CDKAL1: variants seen among roughly 807,000 people sequenced by gnomAD.
The protein encoded by CDKAL1 is threonylcarbamoyladenosine tRNA methylthiotransferase.
A neutral mutation model predicts 68.2 loss-of-function variants in CDKAL1; 32 were observed. That is an observed-to-expected ratio of 0.47 (90% confidence interval 0.35 to 0.63). CDKAL1 has a LOEUF of 0.63. Among genes scored for constraint, CDKAL1 ranks in the 30% least tolerant of loss-of-function variants. CDKAL1 has a pLI of 0.00. For missense variants in CDKAL1, 606 were observed against 696.7 expected, an observed-to-expected ratio of 0.87 and a Z score of 1.47; for synonymous variants, 234 against 244.3, an observed-to-expected ratio of 0.96 and a Z score of 0.39.
chr6:20,685,617 G>A (rs1770584316), intron 5 of CDKAL1, among the ~76,000 whole-genome samples: 1 of 152,004 alleles, frequency 6.6e-6, no homozygotes, highest in African/African-American at 2.4e-5. Flanking sequence ...CAATATTGAG[G>A]CTTCCTATCC....
intron 8 of CDKAL1, among the ~76,000 whole-genome samples, chr6:20,839,181 A>G (rs1337145017): frequency 4.6e-5 from 7 of 152,184 alleles, no homozygotes; most frequent in African/African-American, 1.7e-4. Context: ...GAAGATGTTA[A>G]AGAATCACCT....
At chr6:20,764,237 C>G (rs955984763) in intron 7 of CDKAL1, among the ~76,000 whole-genome samples, 1 of 151,994 alleles carries the variant, frequency 6.6e-6, no homozygotes, top group African/African-American at 2.4e-5. Flanking sequence ...TAAATTTTAC[C>G]TATCGACATT....
intron 10 of CDKAL1, among the ~76,000 whole-genome samples, chr6:20,984,812 G>GGA (rs778345939): frequency 1.3e-4 from 2 of 15,842 alleles, no homozygotes; most frequent in South Asian, 1.1e-3. Flanking sequence ...GCACAGTAAC[G>GGA]GGGGGGGGTG....
At chr6:21,060,481 G>T (rs1771082430) in intron 11 of CDKAL1, among the ~76,000 whole-genome samples, 1 of 151,848 alleles carries the variant, frequency 6.6e-6, no homozygotes, top group African/African-American at 2.4e-5. Context: ...TTTTTTCAAA[G>T]ATGTACTTTT....
chr6:20,711,337 G>A (rs112357900), intron 5 of CDKAL1, among the ~76,000 whole-genome samples: 25 of 152,240 alleles, frequency 1.6e-4, no homozygotes, highest in Non-Finnish European at 2.4e-4. Context: ...CTGGCATTTC[G>A]AATAGTGTCA....
chr6:20,780,822 C>A (rs139482647), intron 7 of CDKAL1, among the ~76,000 whole-genome samples: 64 of 151,852 alleles, frequency 4.2e-4, no homozygotes, highest in African/African-American at 1.5e-3. Context: ...TACAGGCGCC[C>A]GCCACCACAC....
At chr6:20,587,819 G>A (rs1044311768) in intron 4 of CDKAL1, among the ~76,000 whole-genome samples, 2 of 151,908 alleles carry the variant, frequency 1.3e-5, no homozygotes, top group East Asian at 1.9e-4. Context: ...CCAGAAGTTG[G>A]GTACTGTGGC....
intron 5 of CDKAL1, among the ~76,000 whole-genome samples, chr6:20,679,105 G>C (rs771091894): frequency 6.6e-6 from 1 of 152,062 alleles, no homozygotes; most frequent in Non-Finnish European, 1.5e-5. Context: ...GTAAAGACTG[G>C]GTCTCACTAT....
intron 10 of CDKAL1, among the ~76,000 whole-genome samples, chr6:20,999,161 C>T (rs1435098348): frequency 6.6e-6 from 1 of 152,162 alleles, no homozygotes; most frequent in African/African-American, 2.4e-5. Flanking sequence ...GAGCCACTCC[C>T]TTTATGACAT....
At chr6:20,784,650 C>T (rs1350972702) in intron 8 of CDKAL1, among the ~76,000 whole-genome samples, 1 of 151,484 alleles carries the variant, frequency 6.6e-6, no homozygotes, top group Non-Finnish European at 1.5e-5. Flanking sequence ...GTCTCGAACT[C>T]CTGACCTTGT....
rs756851756 is a variant in CDKAL1 at position 21,065,070 on chromosome 6, A to T, written c.1078A>T (p.Thr360Ser). 10 of 1,581,246 alleles carry T rather than the reference A, an allele frequency of 6.3e-6. No individual in the cohort carries two copies. Among genetic ancestry groups the T allele is most frequent in the Admixed American group, 1.8e-5 (1 of 55,216 alleles). The change falls in exon 12 of 16, where the codon ACA becomes TCA. Residue 360 changes from threonine to serine, a missense_variant. Physicochemically the swap from Thr to Ser is moderately conservative, Grantham distance 58. Transcript: ENST00000274695. ...TAGAGTTCCTGGAATAACTATTGCT[A>T]CAGATATTATCTGTGGTTTTCCTGG... is the stretch of plus-strand genomic sequence containing the variant. ...KEKVPGITIA[T>S]DIICGFPGET...
At chr6:21,058,642 G>A (rs371783519) in intron 11 of CDKAL1, among the ~76,000 whole-genome samples, 2 of 152,328 alleles carry the variant, frequency 1.3e-5, no homozygotes, top group African/African-American at 4.8e-5. Flanking sequence ...TTTTTCTAGG[G>A]GCTGGTAGTG....
intron 5 of CDKAL1, among the ~76,000 whole-genome samples, chr6:20,698,190 G>A (rs1316808685): frequency 6.6e-6 from 1 of 151,978 alleles, no homozygotes; most frequent in Non-Finnish European, 1.5e-5. Context: ...AATGAATTTT[G>A]GTTGAATGAA....
At chr6:21,113,007 G>A (rs1466763368) in intron 13 of CDKAL1, among the ~76,000 whole-genome samples, 1 of 152,112 alleles carries the variant, frequency 6.6e-6, no homozygotes, top group Non-Finnish European at 1.5e-5. Flanking sequence ...GGTAGTTATT[G>A]CTTCAAAAAG....
At chr6:21,217,228 A>G (rs972339068) in intron 15 of CDKAL1, among the ~76,000 whole-genome samples, 3 of 151,542 alleles carry the variant, frequency 2.0e-5, no homozygotes, top group Non-Finnish European at 4.4e-5. Context: ...AGTCTGTATA[A>G]AAAGTCTTTT....
intron 13 of CDKAL1, among the ~76,000 whole-genome samples, chr6:21,146,093 ATCC>A (rs1776154673): frequency 6.6e-6 from 1 of 152,158 alleles, no homozygotes; most frequent in African/African-American, 2.4e-5. Flanking sequence ...CCAATGTTAC[ATCC>A]TCCTCCTCTC....
Position 20,600,789 on chromosome 6 carries a change from C to CACATATATATATATATATATATATATAT in CDKAL1, c.287-48501_287-48500insTATATATATATATATATATATATATACA, listed in dbSNP as rs1368188844. Among the ~76,000 whole-genome samples the CACATATATATATATATATATATATATAT allele has an allele frequency of 6.3e-3, 821 of 130,114 alleles. 8 individuals are homozygous for CACATATATATATATATATATATATATAT. The highest frequency in any genetic ancestry group is 9.3e-3 in the Non-Finnish European group (577 of 62,256). 85.4% of individuals were successfully genotyped at this position (130,114 alleles called of 152,430 possible). ...ATGTATACATATATATATATATATA[C>CACATATATATATATATATATATATATAT]ACACACACACATGAATGATAAATTA... is the stretch of plus-strand genomic sequence containing the variant. On this transcript the variant is annotated intron_variant, in intron 4 of 15. Transcript: ENST00000274695.
chr6:20,849,812 G>A (rs984404000), intron 9 of CDKAL1, among the ~76,000 whole-genome samples: 1 of 152,092 alleles, frequency 6.6e-6, no homozygotes, highest in African/African-American at 2.4e-5. Context: ...TTCTAAATTT[G>A]AGAAGTGCAA....
chr6:20,905,431 G>T (rs1454651948), intron 9 of CDKAL1, among the ~76,000 whole-genome samples: 1 of 152,162 alleles, frequency 6.6e-6, no homozygotes, highest in African/African-American at 2.4e-5. Flanking sequence ...AACATGAATG[G>T]AGTATAAGGG....
Sources: allele counts gnomAD v4.1 joint callset (sites outside exome capture counted in the v4.1 genomes callset), GRCh38; gene constraint gnomAD v4.1.1; transcripts MANE v1.5; gene names NCBI Gene and HGNC (gene_info 2026-07-23, HGNC 2026-07-21).